Variants in MED13L observed in about 807,000 individuals in gnomAD.
MED13L encodes mediator complex subunit 13L, also known as mediator of RNA polymerase II transcription subunit 13-like.
In MED13L, 7 loss-of-function variants were observed where a neutral mutation model predicts 220.9. The ratio of observed to expected loss-of-function variants is 0.03; its 90% CI spans 0.02 to 0.06. The LOEUF is 0.06. Among genes scored for constraint, MED13L ranks in the 10% least tolerant of loss-of-function variants. The pLI is 1.00. For missense variants in MED13L, 1,965 were observed against 2,760.5 expected, an observed-to-expected ratio of 0.71 and a Z score of 6.46; for synonymous variants, 1,011 against 1,015.2, an observed-to-expected ratio of 1.00 and a Z score of 0.08.
Position 115,963,505 on chromosome 12 carries a change from G to A in MED13L, c.6402C>T (p.His2134=), listed in dbSNP as rs1875914813. 1 of 1,613,590 alleles carries A rather than the reference G, an allele frequency of 6.2e-7. No individual in the cohort carries two copies. Among genetic ancestry groups the A allele is most frequent in the African/African-American group, 1.3e-5 (1 of 74,920 alleles). ...CGTCTGTCTGTGCTACTGAAATGTG[G>A]TGATGCAGCGAAGCCTGGTGAAAAA... ...CPLFLKASLH[H]HISVAQTDEL... Residue 2134 remains histidine, a synonymous_variant, in exon 30 of 31, where the codon CAC becomes CAT. Transcript: ENST00000281928.
chr12:115,998,156 T>C (rs182495115), intron 14 of MED13L, among the ~76,000 whole-genome samples: 1 of 152,306 alleles, frequency 6.6e-6, no homozygotes, highest in Admixed American at 6.5e-5. Flanking sequence ...AATACACCTG[T>C]AGTAAAAAAT....
intron 2 of MED13L, among the ~76,000 whole-genome samples, chr12:116,222,878 AT>A (rs1868579310): frequency 6.6e-6 from 1 of 152,246 alleles, no homozygotes; most frequent in East Asian, 1.9e-4. Context: ...ACTAAAAACT[AT>A]TAAAGATTTC....
At chr12:116,187,688 G>A (rs1365128775) in intron 2 of MED13L, among the ~76,000 whole-genome samples, 1 of 152,050 alleles carries the variant, frequency 6.6e-6, no homozygotes, top group Non-Finnish European at 1.5e-5. Flanking sequence ...GTATAGAAGT[G>A]AGTATCTGCT....
intron 2 of MED13L, among the ~76,000 whole-genome samples, chr12:116,205,532 G>GAAAAAAAAAAAAAAAAAAAAAAGAAAAAA (rs34982320): frequency 1.1e-5 from 1 of 94,034 alleles, no homozygotes; most frequent in Non-Finnish European, 2.1e-5. Context: ...CAAAGGAAGA[G>GAAAAAAAAAAAAAAAAAAAAAAGAAAAAA]AAAAAAAAAA....
rs181358100 is a variant in MED13L, at chr12:116,197,538, G to A, written c.310+39930C>T. On this transcript the variant is annotated intron_variant, in intron 2 of 30. Transcript: ENST00000281928. Reference sequence around the variant, plus strand: ...TCCCAGCATTTTGGGAGGCCGAGGCGGGCGGATCACCTGAGGTCAGGAGTT... The same window carrying A: ...TCCCAGCATTTTGGGAGGCCGAGGCAGGCGGATCACCTGAGGTCAGGAGTT... Among the ~76,000 whole-genome samples the A allele has an allele frequency of 5.3e-5, 8 of 152,158 alleles. No individual in the cohort carries two copies. In the East Asian group the frequency reaches 5.8e-4, roughly 11 times the overall value.
chr12:116,019,109 T>G, intron 7 of MED13L, 115 bp downstream of exon 7: 1 of 1,006,894 alleles, frequency 9.9e-7, no homozygotes, highest in East Asian at 2.6e-5. Flanking sequence ...TACGTTACTC[T>G]ACTACCTCCA....
chr12:116,158,574 C>T (rs1475875065), intron 2 of MED13L, among the ~76,000 whole-genome samples: 1 of 152,034 alleles, frequency 6.6e-6, no homozygotes, highest in African/African-American at 2.4e-5. Context: ...AAGAGAAAAA[C>T]AGAGTATATG....
chr12:116,263,516 T>C (rs1016903833), intron 1 of MED13L, among the ~76,000 whole-genome samples: 1 of 152,210 alleles, frequency 6.6e-6, no homozygotes, highest in Admixed American at 6.5e-5. Flanking sequence ...TTCCAAATTC[T>C]ATTGTGCTAA....
chr12:116,059,025 T>A (rs977455377), intron 4 of MED13L, among the ~76,000 whole-genome samples: 2 of 152,234 alleles, frequency 1.3e-5, no homozygotes, highest in Non-Finnish European at 2.9e-5. Flanking sequence ...ATAGATTTAA[T>A]GGAATGAAAG....
In MED13L at chr12:116,092,410, C is replaced by T. The variant is rs148544679; in HGVS notation, c.479+4259G>A. Among the ~76,000 whole-genome samples the T allele has an allele frequency of 5.3e-3, 811 of 152,240 alleles. 8 individuals carry two copies. The highest frequency in any genetic ancestry group is 0.018 in the Admixed American group (271 of 15,286). On this transcript the variant is annotated intron_variant, in intron 4 of 30. Transcript: ENST00000281928. ...GGAGAGAAGGCGTACCACTCAAGAA[C>T]AGGGCAGGTTTGCCCATGAGTCAGT...
At chr12:116,225,767 G>C (rs949894981) in intron 2 of MED13L, among the ~76,000 whole-genome samples, 2 of 152,132 alleles carry the variant, frequency 1.3e-5, no homozygotes, top group African/African-American at 4.8e-5. Flanking sequence ...ACCTCATGTT[G>C]AATAGGTTCA....
chr12:116,010,384 T>C (rs1033205550), intron 9 of MED13L, among the ~76,000 whole-genome samples: 3 of 152,220 alleles, frequency 2.0e-5, no homozygotes, highest in African/African-American at 7.2e-5. Context: ...TTAGACTTTT[T>C]TTCTCAGAGA....
intron 2 of MED13L, among the ~76,000 whole-genome samples, chr12:116,205,792 T>A (rs1468513607): frequency 2.0e-5 from 3 of 152,016 alleles, no homozygotes; most frequent in Non-Finnish European, 4.4e-5. Flanking sequence ...AGAAAGCAGT[T>A]AACACTTCCC....
intron 16 of MED13L, 76 bp downstream of exon 16, chr12:115,996,400 C>T: frequency 6.5e-7 from 1 of 1,534,134 alleles, no homozygotes; most frequent in Non-Finnish European, 9.0e-7. Flanking sequence ...ACCTTGTCAT[C>T]ATTTTTAACA....
At chr12:116,008,300 A>T in intron 10 of MED13L, 101 bp downstream of exon 10, 4 of 1,462,832 alleles carry the variant, frequency 2.7e-6, no homozygotes, top group Non-Finnish European at 3.7e-6. Flanking sequence ...GACAAAGAAA[A>T]GCCTACTTCA....
intron 4 of MED13L, among the ~76,000 whole-genome samples, chr12:116,075,635 T>A (rs1037713873): frequency 1.3e-5 from 2 of 152,232 alleles, no homozygotes; most frequent in African/African-American, 4.8e-5. Context: ...CTACTGAACA[T>A]CTTCATGTTG....
chr12:115,963,651 T>G, intron 29 of MED13L, 132 bp from the exon 30 acceptor site: 3 of 720,504 alleles, frequency 4.2e-6, no homozygotes. Flanking sequence ...AGTCTACAAA[T>G]TTTAACCTGC....
At chr12:116,234,216 T>TATTTATTG (rs1323350009) in intron 2 of MED13L, among the ~76,000 whole-genome samples, 1 of 72,094 alleles carries the variant, frequency 1.4e-5, no homozygotes, top group East Asian at 7.1e-4. Flanking sequence ...AGGATTCTGC[T>TATTTATTG]ATTTATTTAT....
chr12:116,232,382 C>T (rs1037572993), intron 2 of MED13L, among the ~76,000 whole-genome samples: 1 of 152,110 alleles, frequency 6.6e-6, no homozygotes, highest in Non-Finnish European at 1.5e-5. Flanking sequence ...ATATTTAGTG[C>T]TAAATATTTG....
Sources: gnomAD v4.1 joint callset for allele counts (sites outside exome capture counted in the v4.1 genomes callset) on GRCh38, gnomAD v4.1.1 for gene constraint, MANE v1.5 for transcripts, NCBI Gene and HGNC (gene_info 2026-07-23, HGNC 2026-07-21) for gene names.